MYLK: variants seen among roughly 807,000 people sequenced by gnomAD.
The protein encoded by MYLK is myosin light chain kinase.
MYLK carries 106 observed loss-of-function variants against 203.4 expected under a neutral mutation model. The observed-to-expected ratio is 0.52, with a 90% CI of 0.45 to 0.61. MYLK has a LOEUF of 0.61. Among genes scored for constraint, MYLK ranks in the 20% least tolerant of loss-of-function variants. The probability of loss-of-function intolerance (pLI) is 0.00; values close to 1 mark genes in which losing one functional copy is unlikely to be tolerated. For synonymous variants in MYLK, 867 were observed against 959.5 expected, an observed-to-expected ratio of 0.90 and a Z score of 1.78; for missense variants, 2,072 against 2,442.3, an observed-to-expected ratio of 0.85 and a Z score of 3.20.
chr3:123,844,594 C>A (rs2066666404), intron 2 of MYLK, among the ~76,000 whole-genome samples: 2 of 152,092 alleles, frequency 1.3e-5, no homozygotes, highest in Admixed American at 6.5e-5. Context: ...AAGACAGGAG[C>A]AATTGACCAC....
At chr3:123,790,337 A>G (rs1563428) in intron 4 of MYLK, among the ~76,000 whole-genome samples, 7,575 of 152,304 alleles carry the variant, frequency 0.05, 602 homozygotes, top group African/African-American at 0.17. Flanking sequence ...CCTTAGCTGC[A>G]ACGGAAGCCT....
At chr3:123,682,127 G>A in intron 20 of MYLK, 97 bp downstream of exon 20, 2 of 912,814 alleles carry the variant, frequency 2.2e-6, no homozygotes, top group African/African-American at 1.6e-5. Context: ...AGGCAAGAGT[G>A]AGTGACCAGA....
At chr3:123,787,557 C>T (rs545632543) in intron 4 of MYLK, among the ~76,000 whole-genome samples, 1 of 152,148 alleles carries the variant, frequency 6.6e-6, no homozygotes. Context: ...GGACAAGAAA[C>T]GGTCATCGCG....
intron 1 of MYLK, among the ~76,000 whole-genome samples, chr3:123,882,550 G>C (rs560992462): frequency 6.6e-6 from 1 of 152,216 alleles, no homozygotes; most frequent in Admixed American, 6.5e-5. Flanking sequence ...TCCCCACTGT[G>C]GGGTGGTTCT....
chr3:123,756,065 T>C (rs1051146771), intron 4 of MYLK, among the ~76,000 whole-genome samples: 2 of 152,154 alleles, frequency 1.3e-5, no homozygotes, highest in Admixed American at 6.5e-5. Flanking sequence ...AAAAGAGGCC[T>C]GGAGAAGTAG....
In MYLK at chr3:123,732,966, A is replaced by G; in HGVS notation, c.1446T>C (p.Ser482=). The part of the protein sequence containing the change: ...LCLLKARTRD[S]GTYSCTASNA... ...TGGAAGCAGTGCAGCTGTATGTCCCACTGTCCCTGGTCCGGGCTTTCAGCA... is the reference window on the plus strand; with the variant it reads ...TGGAAGCAGTGCAGCTGTATGTCCCGCTGTCCCTGGTCCGGGCTTTCAGCA... The change falls in exon 11 of 34, where the codon AGT becomes AGC. Residue 482 remains serine, a synonymous_variant. Coordinates refer to ENST00000360304, the MANE Select transcript of MYLK (RefSeq NM_053025.4). The G allele has an allele frequency of 6.2e-7, 1 of 1,614,178 alleles. No homozygotes were observed. The highest frequency in any genetic ancestry group is 8.5e-7 in the Non-Finnish European group (1 of 1,180,024).
At chr3:123,720,640 T>A (rs1263627942) in intron 13 of MYLK, among the ~76,000 whole-genome samples, 2 of 152,128 alleles carry the variant, frequency 1.3e-5, no homozygotes, top group African/African-American at 4.8e-5. Context: ...AGTCATGAAG[T>A]TAGAACTATG....
intron 2 of MYLK, among the ~76,000 whole-genome samples, chr3:123,858,632 C>T (rs1577137233): frequency 1.3e-5 from 2 of 152,070 alleles, no homozygotes; most frequent in African/African-American, 4.8e-5. Context: ...GCCATTAATC[C>T]ATTAACACAT....
At chr3:123,702,537 C>T (rs533742927) in intron 16 of MYLK, among the ~76,000 whole-genome samples, 33 of 152,330 alleles carry the variant, frequency 2.2e-4, no homozygotes, top group African/African-American at 7.2e-4. Context: ...CCCACTCATG[C>T]CCCTGGATGT....
At chr3:123,778,997 T>C (rs1467237138) in intron 4 of MYLK, among the ~76,000 whole-genome samples, 1 of 151,496 alleles carries the variant, frequency 6.6e-6, no homozygotes, top group Non-Finnish European at 1.5e-5. Context: ...AAATGAAGAG[T>C]GGGGGTGGGG....
intron 4 of MYLK, among the ~76,000 whole-genome samples, chr3:123,761,930 G>A (rs1335219042): frequency 1.3e-5 from 2 of 152,106 alleles, no homozygotes; most frequent in East Asian, 1.9e-4. Context: ...GGGAGCCTGA[G>A]GCAGGAGAAT....
intron 18 of MYLK, among the ~76,000 whole-genome samples, chr3:123,696,132 G>T (rs1194948878): frequency 6.6e-6 from 1 of 152,154 alleles, no homozygotes; most frequent in Admixed American, 6.5e-5. Flanking sequence ...AACTAAATGG[G>T]GTGATGTAAT....
chr3:123,657,487 T>C, intron 23 of MYLK, 59 bp from the exon 24 acceptor site: 3 of 1,570,176 alleles, frequency 1.9e-6, no homozygotes, highest in Non-Finnish European at 1.7e-6. Flanking sequence ...CAAAGGAAGT[T>C]TTTGAATTAC....
intron 3 of MYLK, among the ~76,000 whole-genome samples, chr3:123,828,501 A>T (rs2066212145): frequency 6.6e-6 from 1 of 152,214 alleles, no homozygotes; most frequent in Non-Finnish European, 1.5e-5. Flanking sequence ...TGATAAAATT[A>T]CTAGAAGAAA....
chr3:123,713,591 G>A lies in MYLK; in HGVS notation c.1805-3698C>T, dbSNP rs1210448757. On this transcript the variant is annotated intron_variant, in intron 13 of 33. Transcript: ENST00000360304. Reference sequence around the variant, plus strand: ...AAAGAGCAACACAATGTGTGTGTGTGTGTGTGTGTGTGTGTGTGTGTGTGT... The same window carrying A: ...AAAGAGCAACACAATGTGTGTGTGTATGTGTGTGTGTGTGTGTGTGTGTGT... Among the ~76,000 whole-genome samples, 122 of 13,192 alleles carry A rather than the reference G, an allele frequency of 9.2e-3. No individual in the cohort carries two copies. The Middle Eastern group carries it at 0.25, about 27-fold the overall frequency. 8.7% of individuals were successfully genotyped at this position (13,192 alleles called of 152,430 possible).
Position 123,614,048 on chromosome 3 carries a change from T to A in MYLK, c.*57A>T. 1 of 1,551,480 alleles carries A rather than the reference T, an allele frequency of 6.4e-7. No homozygotes were observed. The highest frequency in any genetic ancestry group is 8.8e-7 in the Non-Finnish European group (1 of 1,135,882). ...CTTGAGTTTTTTTTTTTTTTTTGAG[T>A]TTTAGAGAAATAGTCCTTTTAATAT... On this transcript the variant is annotated 3_prime_UTR_variant, in exon 34 of 34. Coordinates refer to ENST00000360304, the MANE Select transcript of MYLK (RefSeq NM_053025.4).
intron 4 of MYLK, among the ~76,000 whole-genome samples, chr3:123,786,640 TAAAG>T (rs200337788): frequency 0.025 from 3,735 of 152,098 alleles, 181 homozygotes; most frequent in African/African-American, 0.086. Context: ...TTTTTCAAAA[TAAAG>T]AGTGTAATTG....
At chr3:123,658,641 A>G (rs2059466200) in intron 23 of MYLK, among the ~76,000 whole-genome samples, 1 of 152,156 alleles carries the variant, frequency 6.6e-6, no homozygotes. Context: ...TCTCATTCAG[A>G]GAATGGTGCT....
chr3:123,761,480 T>C (rs903184625), intron 4 of MYLK, among the ~76,000 whole-genome samples: 1 of 152,184 alleles, frequency 6.6e-6, no homozygotes, highest in African/African-American at 2.4e-5. Context: ...GGATCTTTTA[T>C]GCCACCTGTA....
Sources: gnomAD v4.1 joint callset for allele counts (sites outside exome capture counted in the v4.1 genomes callset) on GRCh38, gnomAD v4.1.1 for gene constraint, MANE v1.5 for transcripts, NCBI Gene and HGNC (gene_info 2026-07-23, HGNC 2026-07-21) for gene names.